The following R3HDM1 variants were observed in gnomAD, a reference collection of about 807,000 sequenced individuals.
The protein encoded by R3HDM1 is R3H domain-containing protein 1.
R3HDM1 carries 46 observed loss-of-function variants against 141.1 expected under a neutral mutation model. The ratio of observed to expected loss-of-function variants is 0.33; its 90% CI spans 0.26 to 0.42. The LOEUF (loss-of-function observed/expected upper bound fraction) is 0.42, where lower values mean the gene tolerates loss of function less well. Among genes scored for constraint, R3HDM1 ranks in the 10% least tolerant of loss-of-function variants. R3HDM1 has a pLI of 1.00. For synonymous variants in R3HDM1, 435 were observed against 472.9 expected (o/e 0.92, Z 1.04); for missense variants, 1,184 against 1,368.3 (o/e 0.87, Z 2.12).
At chr2:135,621,691 G>A in intron 6 of R3HDM1, 83 bp downstream of exon 6, 2 of 1,378,164 alleles carry the variant, frequency 1.5e-6, no homozygotes, top group Non-Finnish European at 9.5e-7. Flanking sequence ...ATTATATATA[G>A]TATATCTTTA....
chr2:135,552,349 C>T (rs1207089262), intron 1 of R3HDM1, among the ~76,000 whole-genome samples: 1 of 152,100 alleles, frequency 6.6e-6, no homozygotes, highest in Non-Finnish European at 1.5e-5. Flanking sequence ...GCACACACCA[C>T]CACACCTGGC....
At chr2:135,698,132 G>A (rs2105398582) in intron 21 of R3HDM1, among the ~76,000 whole-genome samples, 1 of 150,732 alleles carries the variant, frequency 6.6e-6, no homozygotes, top group East Asian at 1.9e-4. Context: ...CATGAGACGG[G>A]AAGGCAGGGA....
At chr2:135,679,615 TCTTTTTCATAATTTAA>T (rs946332538) in intron 20 of R3HDM1, among the ~76,000 whole-genome samples, 2 of 152,234 alleles carry the variant, frequency 1.3e-5, no homozygotes, top group Non-Finnish European at 2.9e-5. Context: ...GTGGAAAGTT[TCTTTTTCATAATTTAA>T]CCTTTTCATA....
Position 135,651,789 on chromosome 2 carries a change from T to C in R3HDM1, c.1785T>C (p.Asp595=). Residue 595 remains aspartate (D), a synonymous_variant, in exon 18 of 27, where the codon GAT becomes GAC. Transcript: ENST00000683871. ...HMSLARQPSA[D]GSDPHAAMFQ... The stretch of plus-strand genomic sequence containing the variant: ...GTCTTGCTCGCCAGCCATCTGCTGA[T>C]GGTTCTGACCCTCATGCCGCCATGT... 1 of 1,613,932 alleles carries C rather than the reference T, an allele frequency of 6.2e-7. No individual in the cohort carries two copies. Among genetic ancestry groups the C allele is most frequent in the Non-Finnish European group, 8.5e-7 (1 of 1,179,874 alleles).
Position 135,641,543 on chromosome 2 carries a change from G to C in R3HDM1, c.1227G>C (p.Glu409Asp), listed in dbSNP as rs1488654758. The change falls in exon 15 of 27, where the codon GAG becomes GAC. Residue 409 changes from glutamate to aspartate, a missense_variant. Coordinates refer to ENST00000683871, the MANE Select transcript of R3HDM1 (RefSeq NM_001378107.1). The stretch of plus-strand genomic sequence containing the variant: ...TCATTACTCCTCTTCTAGGTTCTGA[G>C]TCTTCTGGTAGTGTAGGGTCATCTA... ...SIGRLSKTGSESSGSVGSSTG... is the reference protein window; with the variant it reads ...SIGRLSKTGSDSSGSVGSSTG... 2 of 1,606,842 alleles carry C rather than the reference G, an allele frequency of 1.2e-6. No homozygotes were observed. The highest frequency in any genetic ancestry group is 4.5e-5 in the East Asian group (2 of 44,866).
intron 19 of R3HDM1, chr2:135,667,538 C>G: frequency 1.5e-6 from 1 of 681,738 alleles, no homozygotes; most frequent in Non-Finnish European, 1.8e-6. Context: ...TTTTCCTCTA[C>G]TTTCCAGATT....
chr2:135,549,226 T>C (rs1699330370), intron 1 of R3HDM1, among the ~76,000 whole-genome samples: 1 of 152,112 alleles, frequency 6.6e-6, no homozygotes, highest in Non-Finnish European at 1.5e-5. Context: ...ACACATATTG[T>C]ATGGTTTGGT....
chr2:135,657,105 AAGAG>A (rs981893892), intron 18 of R3HDM1, among the ~76,000 whole-genome samples: 25 of 150,732 alleles, frequency 1.7e-4, no homozygotes, highest in Non-Finnish European at 1.8e-4. Context: ...CAATTAAAAA[AAGAG>A]AGAGAGATAT....
In R3HDM1 at chr2:135,602,196, T is replaced by C. The variant is rs192844983; in HGVS notation, c.-249-304T>C. Among the ~76,000 whole-genome samples the C allele has an allele frequency of 4.4e-3, 662 of 152,178 alleles. 3 individuals are homozygous for C. The highest frequency in any genetic ancestry group is 0.01 in the Middle Eastern group (3 of 294). ...CTGATTATGATCTTTTTTCTCTCTC[T>C]TTATCTATAGATACTATCTCAATTA... On this transcript the variant is annotated intron_variant, in intron 1 of 26. Coordinates refer to ENST00000683871, the MANE Select transcript of R3HDM1 (RefSeq NM_001378107.1).
chr2:135,562,477 T>A (rs1174145882), intron 1 of R3HDM1, among the ~76,000 whole-genome samples: 1 of 152,196 alleles, frequency 6.6e-6, no homozygotes. Flanking sequence ...CTAGTTGCAT[T>A]TCTTCTAGTA....
chr2:135,671,416 C>T (rs1187160476), intron 19 of R3HDM1, among the ~76,000 whole-genome samples: 2 of 151,932 alleles, frequency 1.3e-5, no homozygotes, highest in Non-Finnish European at 2.9e-5. Context: ...GTCGCCCAGG[C>T]TGGAGTGCAA....
chr2:135,618,249 C>T lies in R3HDM1; in HGVS notation c.303+1492C>T, dbSNP rs371483462. Among the ~76,000 whole-genome samples the T allele has an allele frequency of 2.8e-4, 42 of 151,398 alleles. No homozygotes were observed. The East Asian group carries it at 3.5e-3, about 13-fold the overall frequency. On this transcript the variant is annotated intron_variant, in intron 5 of 26. Coordinates refer to ENST00000683871, the MANE Select transcript of R3HDM1 (RefSeq NM_001378107.1). ...TGTGATCTCAGCCCACTGCAACCTC[C>T]GCCTCCCAGGTTCAAGCCATTCTGC...
chr2:135,710,327 T>C, intron 23 of R3HDM1, 96 bp downstream of exon 23: 1 of 1,346,354 alleles, frequency 7.4e-7, no homozygotes, highest in Non-Finnish European at 1.0e-6. Flanking sequence ...GTCAGCCAGA[T>C]TAATAAAAGA....
chr2:135,656,990 C>G (rs912241487), intron 18 of R3HDM1, among the ~76,000 whole-genome samples: 1 of 151,518 alleles, frequency 6.6e-6, no homozygotes, highest in African/African-American at 2.4e-5. Flanking sequence ...TCCCAGCTGC[C>G]TTGGGAGGCT....
At position 135,662,881 on chromosome 2, in the gene R3HDM1, G is replaced by A. The variant is rs573277390; in HGVS notation, c.2152+1488G>A. ...TTCCAAAATTATAACACAGACTGTA[G>A]CTGATGCCATAATAAAGAAATGTAC... is the stretch of plus-strand genomic sequence containing the variant. On this transcript the variant is annotated intron_variant, in intron 19 of 26. Coordinates refer to ENST00000683871, the MANE Select transcript of R3HDM1 (RefSeq NM_001378107.1). Among the ~76,000 whole-genome samples, 35 of 152,008 alleles carry A rather than the reference G, an allele frequency of 2.3e-4. No homozygotes were observed. The South Asian group carries it at 6.4e-3, about 28-fold the overall frequency.
intron 20 of R3HDM1, among the ~76,000 whole-genome samples, chr2:135,679,869 C>T (rs567921339): frequency 6.6e-6 from 1 of 152,130 alleles, no homozygotes; most frequent in Admixed American, 6.5e-5. Flanking sequence ...CACTTGAGGT[C>T]AGGAGTTTGA....
At chr2:135,548,292 G>C (rs955253613) in intron 1 of R3HDM1, among the ~76,000 whole-genome samples, 1 of 151,812 alleles carries the variant, frequency 6.6e-6, no homozygotes, top group South Asian at 2.1e-4. Flanking sequence ...TGCTCTTTTT[G>C]CTTTCTGCCA....
chr2:135,574,131 A>T (rs1281067265), intron 1 of R3HDM1, among the ~76,000 whole-genome samples: 1 of 152,228 alleles, frequency 6.6e-6, no homozygotes, highest in Admixed American at 6.5e-5. Flanking sequence ...AATCATGTAA[A>T]GGAAAGGAGT....
chr2:135,621,632 TTA>T (rs1491206696), intron 6 of R3HDM1, 24 bp downstream of exon 6: 16 of 1,524,458 alleles, frequency 1.0e-5, no homozygotes, highest in African/African-American at 2.8e-5. Flanking sequence ...TTGTTTTTTT[TTA>T]AAAAAAAATT....
Sources: gnomAD v4.1 joint callset for allele counts (sites outside exome capture counted in the v4.1 genomes callset) on GRCh38, gnomAD v4.1.1 for gene constraint, MANE v1.5 for transcripts, NCBI Gene and HGNC (gene_info 2026-07-23, HGNC 2026-07-21) for gene names.